TRHDE: variants seen among roughly 807,000 people sequenced by gnomAD.
The protein encoded by TRHDE is thyrotropin-releasing hormone-degrading ectoenzyme.
Under a neutral mutation model 125.7 loss-of-function variants are expected in TRHDE, and 72 were observed. The observed-to-expected ratio is 0.57, with a 90% CI of 0.47 to 0.70. The LOEUF is 0.70. TRHDE is among the 30% of genes least tolerant of loss of function. The pLI is 0.00. For missense variants in TRHDE, 1,110 were observed against 1,327.1 expected (o/e 0.84, Z 2.54); for synonymous variants, 509 against 509.1 (o/e 1.00, Z 0.00).
At chr12:72,237,812 C>T (rs1878364068) in intron 2 of TRHDE, among the ~76,000 whole-genome samples, 1 of 152,094 alleles carries the variant, frequency 6.6e-6, no homozygotes, top group South Asian at 2.1e-4. Flanking sequence ...CAGAAACAGA[C>T]TAATTCAGGG....
In TRHDE at chr12:72,439,313, A is replaced by AT. The variant is rs564421028; in HGVS notation, c.1316-30438dup. ...TTTTGGTTCTATAGAAAATTTTGAG[A>AT]TTTTTTTCTATTTTTGTGAAGAATA... On this transcript the variant is annotated intron_variant, in intron 3 of 18. Coordinates refer to ENST00000261180, the MANE Select transcript of TRHDE (RefSeq NM_013381.3). Among the ~76,000 whole-genome samples, 31 of 151,286 alleles carry AT rather than the reference A, an allele frequency of 2.0e-4. No individual in the cohort carries two copies. In the East Asian group the frequency reaches 5.2e-3, roughly 26 times the overall value.
chr12:72,201,187 A>G (rs1448204436), intron 2 of TRHDE, among the ~76,000 whole-genome samples: 1 of 152,190 alleles, frequency 6.6e-6, no homozygotes, highest in Non-Finnish European at 1.5e-5. Flanking sequence ...TGGAGTCTTC[A>G]TAAACCAGGT....
At chr12:72,111,306 G>C (rs963522391) in intron 2 of TRHDE, among the ~76,000 whole-genome samples, 3 of 152,088 alleles carry the variant, frequency 2.0e-5, no homozygotes, top group Admixed American at 1.3e-4. Flanking sequence ...GACAGCCCCT[G>C]GTGATAAAGG....
chr12:72,316,204 C>G (rs1383160240), intron 2 of TRHDE, among the ~76,000 whole-genome samples: 1 of 152,096 alleles, frequency 6.6e-6, no homozygotes, highest in Non-Finnish European at 1.5e-5. Flanking sequence ...ACACATAAAT[C>G]AAGAGCTTTG....
intron 2 of TRHDE, among the ~76,000 whole-genome samples, chr12:72,110,771 T>C (rs554906460): frequency 2.0e-5 from 3 of 152,234 alleles, no homozygotes; most frequent in Admixed American, 1.3e-4. Context: ...TGTTTCAATA[T>C]AGACAGAGGA....
intron 2 of TRHDE, among the ~76,000 whole-genome samples, chr12:72,205,267 C>T (rs1241049165): frequency 6.6e-6 from 1 of 151,690 alleles, no homozygotes; most frequent in African/African-American, 2.4e-5. Context: ...GGCTCTGAAG[C>T]TATAATCCTC....
At chr12:72,376,627 C>T (rs557818449) in intron 2 of TRHDE, among the ~76,000 whole-genome samples, 6 of 152,254 alleles carry the variant, frequency 3.9e-5, no homozygotes, top group South Asian at 2.1e-4. Flanking sequence ...GCAGGTCTTT[C>T]GAACATACAG....
intron 2 of TRHDE, among the ~76,000 whole-genome samples, chr12:72,248,781 A>G (rs925781217): frequency 1.6e-4 from 25 of 152,212 alleles, no homozygotes; most frequent in Admixed American, 9.2e-4. Context: ...AAGAGCGCAC[A>G]ATTAAGGTGC....
chr12:72,138,920 T>C (rs1407983685), intron 2 of TRHDE, among the ~76,000 whole-genome samples: 1 of 152,218 alleles, frequency 6.6e-6, no homozygotes, highest in East Asian at 1.9e-4. Flanking sequence ...AAGCAGCACA[T>C]GAACTTGGCT....
chr12:72,170,908 AGGG>A (rs1876858766), intron 2 of TRHDE, among the ~76,000 whole-genome samples: 1 of 152,202 alleles, frequency 6.6e-6, no homozygotes, highest in Non-Finnish European at 1.5e-5. Context: ...AGTTGGAGAC[AGGG>A]TGTTATAATA....
chr12:72,547,180 A>G (rs1188762629), intron 7 of TRHDE, among the ~76,000 whole-genome samples: 1 of 151,556 alleles, frequency 6.6e-6, no homozygotes, highest in Non-Finnish European at 1.5e-5. Context: ...TGGAGATTTA[A>G]AAAGTATTAA....
chr12:72,335,468 A>G (rs1362735096), intron 2 of TRHDE, among the ~76,000 whole-genome samples: 2 of 152,202 alleles, frequency 1.3e-5, no homozygotes, highest in Admixed American at 6.5e-5. Flanking sequence ...AAAACGAGAC[A>G]TTTGGCACCA....
intron 1 of TRHDE, chr12:72,105,513 C>T (rs1875166554): frequency 6.6e-6 from 1 of 152,078 alleles, no homozygotes; most frequent in Admixed American, 6.6e-5. Context: ...AATTTTCAGC[C>T]AGAGAATAAT....
At chr12:72,243,717 A>G (rs1166858067) in intron 2 of TRHDE, among the ~76,000 whole-genome samples, 1 of 152,140 alleles carries the variant, frequency 6.6e-6, no homozygotes, top group Non-Finnish European at 1.5e-5. Flanking sequence ...AATATTTTAT[A>G]TTTGCATCAT....
intron 6 of TRHDE, among the ~76,000 whole-genome samples, chr12:72,526,474 G>T (rs923335582): frequency 6.6e-6 from 1 of 152,100 alleles, no homozygotes; most frequent in Non-Finnish European, 1.5e-5. Context: ...ATGTTGTTGG[G>T]ATGACTGTAC....
chr12:72,170,791 T>G (rs1205005023), intron 2 of TRHDE, among the ~76,000 whole-genome samples: 1 of 152,168 alleles, frequency 6.6e-6, no homozygotes, highest in Non-Finnish European at 1.5e-5. Flanking sequence ...AGGTAAAGCA[T>G]TATATATGTG....
At chr12:72,293,764 TG>T (rs1298486839) in intron 2 of TRHDE, among the ~76,000 whole-genome samples, 2 of 152,068 alleles carry the variant, frequency 1.3e-5, no homozygotes, top group Non-Finnish European at 2.9e-5. Flanking sequence ...CTGTGGCCAA[TG>T]GCACTTTTGC....
intron 2 of TRHDE, among the ~76,000 whole-genome samples, chr12:72,112,917 G>C (rs1788770330): frequency 6.6e-6 from 1 of 152,188 alleles, no homozygotes; most frequent in African/African-American, 2.4e-5. Flanking sequence ...CAGCAGTAGG[G>C]ATCTCACCAA....
At position 72,666,064 on chromosome 12, in the gene TRHDE, A is replaced by G. The variant is rs1035974557; in HGVS notation, c.*2869A>G. On this transcript the variant is annotated 3_prime_UTR_variant, in exon 19 of 19. Coordinates refer to ENST00000261180, the MANE Select transcript of TRHDE (RefSeq NM_013381.3). Reference sequence around the variant, plus strand: ...ATTTTTGTGATAGTATTATTTACAAATATTATAAGTATAATATCTTGTGAG... The same window carrying G: ...ATTTTTGTGATAGTATTATTTACAAGTATTATAAGTATAATATCTTGTGAG... The G allele has an allele frequency of 6.6e-6, 1 of 151,930 alleles. No homozygotes were observed. Among genetic ancestry groups the G allele is most frequent in the African/African-American group, 2.4e-5 (1 of 41,264 alleles). The allele number at this position is 151,930 out of a possible 1,614,324, so 9.4% of individuals were successfully genotyped here. A position where few individuals can be genotyped will look rare whatever the true frequency, so the allele number is the denominator to read the frequency against.
Sources: allele counts gnomAD v4.1 joint callset (sites outside exome capture counted in the v4.1 genomes callset), GRCh38; gene constraint gnomAD v4.1.1; transcripts MANE v1.5; gene names NCBI Gene and HGNC (gene_info 2026-07-23, HGNC 2026-07-21).